The following KDM5C variants were observed in gnomAD, a reference collection of about 807,000 sequenced individuals.
The protein encoded by KDM5C is lysine-specific demethylase 5C.
Under a neutral mutation model 110.6 loss-of-function variants are expected in KDM5C, and 16 were observed. That is an observed-to-expected ratio of 0.14 (90% CI 0.10 to 0.22). KDM5C has a LOEUF of 0.22. Among genes scored for constraint, KDM5C ranks in the 10% least tolerant of loss-of-function variants. The pLI is 1.00. For missense variants in KDM5C, 681 were observed against 1,300.9 expected, an observed-to-expected ratio of 0.52 and a Z score of 7.33; for synonymous variants, 511 against 520.4, an observed-to-expected ratio of 0.98 and a Z score of 0.24.
chrX:53,192,678 G>T lies in KDM5C; in HGVS notation c.*289C>A. 2 of 963,299 alleles carry T rather than the reference G, an allele frequency of 2.1e-6. No individual in the cohort carries two copies. The highest frequency in any genetic ancestry group is 2.9e-6 in the Non-Finnish European group (2 of 694,952). The allele number at this position is 963,299 out of a possible 1,213,427, so 79.4% of individuals were successfully genotyped here. A position where few individuals can be genotyped will look rare whatever the true frequency, so the allele number is the denominator to read the frequency against. On this transcript the variant is annotated 3_prime_UTR_variant, in exon 26 of 26. Transcript: ENST00000375401. ...CTGGAATGGTGATGGCCCAGCCCCA[G>T]CCACCCCCCTGCCCACCAGCCCATC...
chrX:53,218,174 C>T, intron 3 of KDM5C, 102 bp downstream of exon 3: 2 of 1,008,234 alleles, frequency 2.0e-6, no homozygotes, highest in Non-Finnish European at 2.8e-6. Flanking sequence ...GTGCCCCTTC[C>T]ATTGCAGCCT....
In KDM5C at chrX:53,192,858, G is replaced by GCCCCCCCCCCCCCCCCCCCCCCCCCCCCC; in HGVS notation, c.*108_*109insGGGGGGGGGGGGGGGGGGGGGGGGGGGGG. The GCCCCCCCCCCCCCCCCCCCCCCCCCCCCC allele has an allele frequency of 1.4e-6, 1 of 728,431 alleles. No homozygotes were observed. The highest frequency in any genetic ancestry group is 4.8e-5 in the East Asian group (1 of 20,797). The allele number at this position is 728,431 out of a possible 1,213,427, so 60.0% of individuals were successfully genotyped here. On this transcript the variant is annotated 3_prime_UTR_variant, in exon 26 of 26. Transcript: ENST00000375401. ...CAGGGGTGGGCGGGTAGCAGGGATGGCCACCCCCCTACCCGCCCACCCCCC... is the reference window on the plus strand; with the variant it reads ...CAGGGGTGGGCGGGTAGCAGGGATGGCCCCCCCCCCCCCCCCCCCCCCCCCCCCCCCACCCCCCTACCCGCCCACCCCCC...
At chrX:53,182,711 G>T (rs1185566711) in intron 25 of KDM5C, among the ~76,000 whole-genome samples, 1 of 112,853 alleles carries the variant, frequency 8.9e-6, no homozygotes, top group East Asian at 2.8e-4. Context: ...TTTTGTTGTT[G>T]AGTTGTAGGA....
intron 12 of KDM5C, chrX:53,202,309 T>C: frequency 4.2e-6 from 1 of 236,711 alleles, no homozygotes; most frequent in African/African-American, 2.9e-5. Context: ...ATATATGCAG[T>C]TTGTAGAGTC....
At chrX:53,224,678 C>T (rs2073991569) in intron 1 of KDM5C, 62 bp downstream of exon 1, 3 of 1,187,083 alleles carry the variant, frequency 2.5e-6, no homozygotes, top group South Asian at 1.8e-5. Context: ...CAGACTTCGC[C>T]GCTGGCTATC....
chrX:53,225,182 C>T lies in KDM5C; in HGVS notation c.-293G>A. ...ACCTCCCAAACGCCGCGGCCTTCAG[C>T]GCCGCCGCCGCCATCTTGGTTTGTC... On this transcript the variant is annotated 5_prime_UTR_variant, in exon 1 of 26. Coordinates refer to ENST00000375401, the MANE Select transcript of KDM5C (RefSeq NM_004187.5). 2.9e-6 allele frequency: 1 copy of T among 349,672 alleles called. No individual in the cohort carries two copies. The highest frequency in any genetic ancestry group is 7.6e-5 in the South Asian group (1 of 13,239). The allele number at this position is 349,672 out of a possible 1,213,427, so 28.8% of individuals were successfully genotyped here. A position where few individuals can be genotyped will look rare whatever the true frequency, so the allele number is the denominator to read the frequency against.
chrX:53,203,826 G>A (rs1357372713), intron 12 of KDM5C, among the ~76,000 whole-genome samples: 3 of 108,964 alleles, frequency 2.8e-5, no homozygotes, highest in African/African-American at 1.0e-4. Flanking sequence ...CAGTGCCGTG[G>A]TGCAATTTCG....
intron 19 of KDM5C, 129 bp downstream of exon 19, chrX:53,196,557 G>A (rs782673166): frequency 2.2e-5 from 12 of 555,431 alleles, no homozygotes; most frequent in Non-Finnish European, 3.7e-5. Context: ...GACAACAAAA[G>A]AGGGGAGAGT....
chrX:53,211,071 C>T (rs940858032), intron 10 of KDM5C, among the ~76,000 whole-genome samples: 1 of 111,395 alleles, frequency 9.0e-6, no homozygotes, highest in Non-Finnish European at 1.9e-5. Context: ...CGAAGTTTAC[C>T]GATATATCCA....
intron 14 of KDM5C, among the ~76,000 whole-genome samples, chrX:53,200,984 CA>C (rs1422404183): frequency 8.9e-6 from 1 of 112,629 alleles, no homozygotes; most frequent in African/African-American, 3.2e-5. Flanking sequence ...AGAAACATTC[CA>C]AATTTCAATC....
intron 1 of KDM5C, among the ~76,000 whole-genome samples, chrX:53,222,748 A>C (rs1312881891): frequency 9.1e-6 from 1 of 110,362 alleles, no homozygotes; most frequent in African/African-American, 3.3e-5. Flanking sequence ...ATCCTTCCAA[A>C]CTCCACTGGG....
Position 53,192,871 on chromosome X carries a change from C to CCCCCCCCCCCCCCCCCCCCACA in KDM5C, c.*95_*96insTGTGGGGGGGGGGGGGGGGGGG. ...GTAGCAGGGATGGCCACCCCCCTAC[C>CCCCCCCCCCCCCCCCCCCCACA]CGCCCACCCCCCAAGAAGCAGGCTT... On this transcript the variant is annotated 3_prime_UTR_variant, in exon 26 of 26. Coordinates refer to ENST00000375401, the MANE Select transcript of KDM5C (RefSeq NM_004187.5). The CCCCCCCCCCCCCCCCCCCCACA allele has an allele frequency of 1.5e-6, 1 of 666,330 alleles. No individual in the cohort carries two copies. The highest frequency in any genetic ancestry group is 2.1e-6 in the Non-Finnish European group (1 of 486,580). 54.9% of individuals were successfully genotyped at this position (666,330 alleles called of 1,213,427 possible).
Position 53,214,850 on chromosome X carries a change from GC to G in KDM5C, c.964-4del. On this transcript the variant is annotated splice_region_variant and splice_polypyrimidine_tract_variant and intron_variant, in intron 7 of 25. Coordinates refer to ENST00000375401, the MANE Select transcript of KDM5C (RefSeq NM_004187.5). Reference sequence around the variant, plus strand: ...ATCCGGCAGACATATGACTCAATCTGCCAGGGGAGAAGAGCAAAAGTTCTCC... The same window carrying G: ...ATCCGGCAGACATATGACTCAATCTGCAGGGGAGAAGAGCAAAAGTTCTCC... The G allele has an allele frequency of 8.3e-7, 1 of 1,210,989 alleles. No homozygotes were observed. The highest frequency in any genetic ancestry group is 1.1e-6 in the Non-Finnish European group (1 of 895,036).
In KDM5C at chrX:53,195,526, A is replaced by G. The variant is rs782643344; in HGVS notation, c.3121-116T>C. On this transcript the variant is annotated intron_variant, in intron 20 of 25. Coordinates refer to ENST00000375401, the MANE Select transcript of KDM5C (RefSeq NM_004187.5). ...GGGCTCAGTCTTGAGGGATTAAAAA[A>G]ATAGGTGTCATCCTAAGGAACAACC... 5.5e-6 allele frequency: 4 copies of G among 721,341 alleles called. No homozygotes were observed. In the South Asian group the frequency reaches 9.3e-5, roughly 17 times the overall value. The allele number at this position is 721,341 out of a possible 1,213,427, so 59.4% of individuals were successfully genotyped here.
intron 7 of KDM5C, 109 bp from the exon 8 acceptor site, chrX:53,214,956 G>A: frequency 1.2e-6 from 1 of 822,477 alleles, no homozygotes. Context: ...GAGCTCAACT[G>A]CACGTATGTA....
At chrX:53,213,164 C>T (rs1250175379) in intron 8 of KDM5C, among the ~76,000 whole-genome samples, 1 of 111,339 alleles carries the variant, frequency 9.0e-6, no homozygotes, top group Non-Finnish European at 1.9e-5. Context: ...AATATGTACC[C>T]CAAAATCAGA....
chrX:53,216,087 A>G lies in KDM5C; in HGVS notation c.768T>C (p.Thr256=), dbSNP rs1459754118. The G allele has an allele frequency of 5.8e-6, 7 of 1,211,305 alleles. No individual in the cohort carries two copies. The Admixed American group carries it at 1.5e-4, about 26-fold the overall frequency. The change falls in exon 6 of 26, where the codon ACT becomes ACC. Residue 256 remains threonine, a synonymous_variant. Coordinates refer to ENST00000375401, the MANE Select transcript of KDM5C (RefSeq NM_004187.5). ...GTTAGGCCTTACCTTTCTTCCGCAG[A>G]GTCTTGTCTTTGGCCATGAGGCCCA... ...MGLGLMAKDK[T]LRKKDKEGPE... is the part of the protein sequence containing the mutation.
chrX:53,178,494 A>G (rs1933939724), intron 25 of KDM5C, among the ~76,000 whole-genome samples: 1 of 112,359 alleles, frequency 8.9e-6, no homozygotes, highest in Non-Finnish European at 1.9e-5. Context: ...CATAATTAAG[A>G]AAAAACTTTT....
At chrX:53,215,552 T>C (rs782737100) in intron 7 of KDM5C, among the ~76,000 whole-genome samples, 4 of 111,706 alleles carry the variant, frequency 3.6e-5, no homozygotes, top group Non-Finnish European at 7.5e-5. Context: ...CCTGAAGCAA[T>C]GGAGAGTGAG....
Sources: allele counts gnomAD v4.1 joint callset (sites outside exome capture counted in the v4.1 genomes callset), GRCh38; gene constraint gnomAD v4.1.1; transcripts MANE v1.5; gene names NCBI Gene and HGNC (gene_info 2026-07-23, HGNC 2026-07-21).